SMURF2: variants seen among roughly 807,000 people sequenced by gnomAD.
SMURF2 encodes the protein SMAD specific E3 ubiquitin protein ligase 2.
In SMURF2, 48 loss-of-function variants were observed where a neutral mutation model predicts 109.6. That is an observed-to-expected ratio of 0.44 (90% confidence interval 0.35 to 0.56). The LOEUF is 0.56. Among genes scored for constraint, SMURF2 ranks in the 20% least tolerant of loss-of-function variants. SMURF2 has a pLI of 0.01. For missense variants in SMURF2, 575 were observed against 909.0 expected, an observed-to-expected ratio of 0.63 and a Z score of 4.72; for synonymous variants, 288 against 317.1, an observed-to-expected ratio of 0.91 and a Z score of 0.97.
chr17:64,653,996 CA>C (rs755275571), intron 1 of SMURF2, among the ~76,000 whole-genome samples: 4 of 152,068 alleles, frequency 2.6e-5, no homozygotes, highest in African/African-American at 4.8e-5. Context: ...AGTATGATTC[CA>C]TTTACTCAAA....
intron 2 of SMURF2, among the ~76,000 whole-genome samples, chr17:64,603,851 C>G (rs1249054333): frequency 2.6e-5 from 4 of 152,134 alleles, no homozygotes; most frequent in Admixed American, 1.3e-4. Flanking sequence ...ACAAATTACT[C>G]TTCAAAAGAC....
At chr17:64,652,253 A>G (rs770973318) in intron 1 of SMURF2, among the ~76,000 whole-genome samples, 1 of 152,244 alleles carries the variant, frequency 6.6e-6, no homozygotes. Context: ...AATAAAAATA[A>G]TATCTGTCAC....
At chr17:64,648,154 TA>T (rs1172760409) in intron 1 of SMURF2, among the ~76,000 whole-genome samples, 27 of 135,160 alleles carry the variant, frequency 2.0e-4, no homozygotes, top group African/African-American at 4.9e-4. Context: ...CATAGAACTC[TA>T]AAAAAAAATG....
At chr17:64,642,972 T>A (rs1218654835) in intron 1 of SMURF2, among the ~76,000 whole-genome samples, 1 of 152,060 alleles carries the variant, frequency 6.6e-6, no homozygotes, top group Non-Finnish European at 1.5e-5. Context: ...TTTTTTTGTA[T>A]GTTTTGTAGA....
chr17:64,557,750 T>A, intron 12 of SMURF2, 28 bp from the exon 13 acceptor site: 1 of 1,353,834 alleles, frequency 7.4e-7, no homozygotes, highest in East Asian at 2.3e-5. Context: ...ACCAAGGAAT[T>A]TTTTTGTTAA....
intron 10 of SMURF2, among the ~76,000 whole-genome samples, chr17:64,564,684 A>G (rs1433258347): frequency 2.0e-5 from 3 of 152,208 alleles, no homozygotes; most frequent in African/African-American, 7.2e-5. Context: ...CAAGCCAAGG[A>G]ACACCAAGGT....
At chr17:64,636,518 G>A (rs535530932) in intron 1 of SMURF2, among the ~76,000 whole-genome samples, 8 of 148,480 alleles carry the variant, frequency 5.4e-5, no homozygotes, top group South Asian at 2.1e-4. Flanking sequence ...CAGGAGAATC[G>A]CTTGAACCCA....
intron 1 of SMURF2, among the ~76,000 whole-genome samples, chr17:64,659,932 C>T (rs1970753157): frequency 6.6e-6 from 1 of 152,152 alleles, no homozygotes; most frequent in African/African-American, 2.4e-5. Flanking sequence ...CAGAGTACCT[C>T]AAACTGTTTT....
intron 10 of SMURF2, among the ~76,000 whole-genome samples, chr17:64,566,206 A>G (rs1969298392): frequency 6.6e-6 from 1 of 152,104 alleles, no homozygotes; most frequent in Non-Finnish European, 1.5e-5. Context: ...TAATAAATTA[A>G]CTGTTATAAT....
At chr17:64,603,578 CG>C (rs1555688784) in intron 2 of SMURF2, among the ~76,000 whole-genome samples, 6 of 120,676 alleles carry the variant, frequency 5.0e-5, no homozygotes, top group South Asian at 2.6e-4. Context: ...AAGACTCCGT[CG>C]GGGGAAAAAA....
chr17:64,619,182 A>G (rs1970164768), intron 1 of SMURF2, among the ~76,000 whole-genome samples: 1 of 152,168 alleles, frequency 6.6e-6, no homozygotes, highest in Admixed American at 6.5e-5. Flanking sequence ...TTGCAAACAC[A>G]TTAAAAAAGA....
rs367719351 is a variant in SMURF2 at position 64,580,982 on chromosome 17, G to A, written c.579C>T (p.Ser193=). The A allele has an allele frequency of 2.0e-5, 32 of 1,613,826 alleles. No individual in the cohort carries two copies. The Admixed American group carries it at 2.3e-4, about 12-fold the overall frequency. The change falls in exon 8 of 19, where the codon TCC becomes TCT. Residue 193 remains serine (S), a synonymous_variant. Transcript: ENST00000262435. Reference sequence around the variant, plus strand: ...GAGGTCTGCCAGGGCTAGAATATTCGGATGCCGGTCTATTGAAAATTAACA... The same window carrying A: ...GAGGTCTGCCAGGGCTAGAATATTCAGATGCCGGTCTATTGAAAATTAACA... The part of the protein sequence containing the change: ...TQWERPTRPA[S]EYSSPGRPLS...
chr17:64,605,329 T>TA (rs1422308973), intron 2 of SMURF2, among the ~76,000 whole-genome samples: 2 of 152,318 alleles, frequency 1.3e-5, no homozygotes, highest in East Asian at 3.9e-4. Flanking sequence ...TTTATAACTA[T>TA]ATAGTTTTAT....
rs1257905073 is a variant in SMURF2, at chr17:64,545,231, A to G, written c.*617T>C. The G allele has an allele frequency of 6.6e-6, 1 of 152,666 alleles. No homozygotes were observed. Among genetic ancestry groups the G allele is most frequent in the Admixed American group, 6.5e-5 (1 of 15,284 alleles). The allele number at this position is 152,666 out of a possible 1,614,324, so 9.5% of individuals were successfully genotyped here. On this transcript the variant is annotated 3_prime_UTR_variant, in exon 19 of 19. Transcript: ENST00000262435. ...AATCCGTTCTTGAAAAATGTAAAAA[A>G]GACCCACTTAGACTAGGTTGAAACA...
chr17:64,557,732 A>C lies in SMURF2; in HGVS notation c.1317-10T>G, dbSNP rs782081904. The C allele has an allele frequency of 2.0e-6, 3 of 1,536,630 alleles. No homozygotes were observed. Among genetic ancestry groups the C allele is most frequent in the Middle Eastern group, 3.6e-4 (2 of 5,570 alleles). On this transcript the variant is annotated splice_polypyrimidine_tract_variant and intron_variant, in intron 12 of 18. Transcript: ENST00000262435. ...GAGATACAACCATTCCCTAGAAAAC[A>C]AGATATGACCAAGGAATTTTTTTGT... is the stretch of plus-strand genomic sequence containing the variant.
At chr17:64,601,954 T>TAC (rs1208187079) in intron 2 of SMURF2, among the ~76,000 whole-genome samples, 44 of 149,478 alleles carry the variant, frequency 2.9e-4, no homozygotes, top group Non-Finnish European at 3.9e-4. Context: ...CACCTACATA[T>TAC]ACACACACAC....
intron 12 of SMURF2, among the ~76,000 whole-genome samples, chr17:64,560,230 A>C (rs1227765469): frequency 2.0e-5 from 3 of 152,102 alleles, no homozygotes; most frequent in African/African-American, 4.8e-5. Flanking sequence ...AAAAAACTAA[A>C]TAAATAAAAT....
chr17:64,593,388 C>A (rs534912671), intron 4 of SMURF2, 52 bp downstream of exon 4: 3 of 1,420,668 alleles, frequency 2.1e-6, no homozygotes, highest in Admixed American at 2.0e-5. Flanking sequence ...AATACATATA[C>A]ACACACACAC....
Position 64,581,019 on chromosome 17 carries a change from T to G in SMURF2, c.570-28A>C. 6.2e-7 allele frequency: 1 copy of G among 1,604,102 alleles called. No homozygotes were observed. The highest frequency in any genetic ancestry group is 2.2e-5 in the East Asian group (1 of 44,806). On this transcript the variant is annotated intron_variant, in intron 7 of 18. Transcript: ENST00000262435. The surrounding 1 kb of genome is among the most constrained non-coding windows in gnomAD (Gnocchi z 4.3). ...ATTGAAAATTAACAAGGAAAAGATG[T>G]TATCAATTTAGATATCAAAAGTAGA... is the stretch of plus-strand genomic sequence containing the variant.
Sources: gnomAD v4.1 joint callset for allele counts (sites outside exome capture counted in the v4.1 genomes callset) on GRCh38, gnomAD v4.1.1 for gene constraint, Gnocchi (gnomAD v3.1) non-coding constraint, MANE v1.5 for transcripts, NCBI Gene and HGNC (gene_info 2026-07-23, HGNC 2026-07-21) for gene names.